The following RNF8 variants were observed in gnomAD, a reference collection of about 807,000 sequenced individuals.
RNF8 encodes ring finger protein 8, also known as E3 ubiquitin-protein ligase RNF8.
A neutral mutation model predicts 59.3 loss-of-function variants in RNF8; 8 were observed. That is an observed-to-expected ratio of 0.13 (90% CI 0.08 to 0.24). The LOEUF (loss-of-function observed/expected upper bound fraction) is 0.24, where lower values mean the gene tolerates loss of function less well. RNF8 is among the 10% of genes least tolerant of loss of function. The probability of loss-of-function intolerance (pLI) is 1.00; values close to 1 mark genes in which losing one functional copy is unlikely to be tolerated. For synonymous variants in RNF8, 162 were observed against 200.0 expected (o/e 0.81, Z 1.60); for missense variants, 406 against 572.6 (o/e 0.71, Z 2.97).
At chr6:37,361,225 A>G (rs195417) in intron 2 of RNF8, 42,579 of 454,338 alleles carry the variant, frequency 0.094, 10,783 homozygotes, top group African/African-American at 0.64. Context: ...CAACTACTGG[A>G]GAAGCTGAGG....
intron 4 of RNF8, among the ~76,000 whole-genome samples, chr6:37,371,861 A>G (rs1581681189): frequency 1.3e-5 from 2 of 152,170 alleles, no homozygotes; most frequent in African/African-American, 4.8e-5. Flanking sequence ...AAGTGGCTCC[A>G]CTTCTAGAAA....
Position 37,369,129 on chromosome 6 carries a change from C to A in RNF8, c.886C>A (p.Gln296Lys). 1 of 1,614,186 alleles carries A rather than the reference C, an allele frequency of 6.2e-7. No individual in the cohort carries two copies. Among genetic ancestry groups the A allele is most frequent in the Non-Finnish European group, 8.5e-7 (1 of 1,180,034 alleles). Residue 296 changes from glutamine to lysine, a missense_variant, in exon 3 of 8, where the codon CAG (glutamine) becomes AAG (lysine). This residue lies in a region of RNF8 where 285 missense variants were observed against 342.0 expected (regional missense o/e 0.83). Transcript: ENST00000373479. ...AATGGAGCAGGAACTTCAGGACTTA[C>A]AGTCCCAGCTGTGTGCAGAGCAGGC... ...VQMEQELQDL[Q>K]SQLCAEQAQQ...
At chr6:37,363,329 G>A (rs568776873) in intron 2 of RNF8, among the ~76,000 whole-genome samples, 50 of 152,214 alleles carry the variant, frequency 3.3e-4, no homozygotes, top group African/African-American at 8.9e-4. Context: ...GCGTTCATTC[G>A]TCAAAAAACA....
intron 1 of RNF8, among the ~76,000 whole-genome samples, chr6:37,356,790 C>T (rs1325085435): frequency 6.6e-6 from 1 of 152,144 alleles, no homozygotes; most frequent in East Asian, 1.9e-4. Context: ...CCTTCTGTCA[C>T]CCAGGCTGGA....
intron 1 of RNF8, among the ~76,000 whole-genome samples, chr6:37,355,258 T>C (rs528535649): frequency 6.6e-6 from 1 of 152,302 alleles, no homozygotes; most frequent in Non-Finnish European, 1.5e-5. Flanking sequence ...ATTTGGGTTT[T>C]GGAAATAATC....
chr6:37,355,052 T>A (rs1769063606), intron 1 of RNF8, among the ~76,000 whole-genome samples: 1 of 152,160 alleles, frequency 6.6e-6, no homozygotes, highest in African/African-American at 2.4e-5. Context: ...CTCCAGAGGC[T>A]GCCTGTCGTC....
intron 5 of RNF8, among the ~76,000 whole-genome samples, chr6:37,376,451 G>A (rs1033452376): frequency 6.6e-6 from 1 of 152,184 alleles, no homozygotes; most frequent in Non-Finnish European, 1.5e-5. Context: ...CCAAGATCAA[G>A]ATGCTGGCAT....
rs1315876273 is a variant in RNF8 at position 37,393,017 on chromosome 6, A to G, written c.*2259A>G. The G allele has an allele frequency of 1.2e-5, 2 of 173,346 alleles. No individual in the cohort carries two copies. Among genetic ancestry groups the G allele is most frequent in the Non-Finnish European group, 2.4e-5 (2 of 82,754 alleles). 10.7% of individuals were successfully genotyped at this position (173,346 alleles called of 1,614,324 possible). A position where few individuals can be genotyped will look rare whatever the true frequency, so the allele number is the denominator to read the frequency against. On this transcript the variant is annotated 3_prime_UTR_variant, in exon 8 of 8. Transcript: ENST00000373479. The stretch of plus-strand genomic sequence containing the variant: ...CAGAGACTGACCTCACAGACTGACC[A>G]TTCCATCCCACAGCTGCTGGACATA...
chr6:37,368,164 T>C (rs1769643163), intron 2 of RNF8, among the ~76,000 whole-genome samples: 1 of 152,216 alleles, frequency 6.6e-6, no homozygotes, highest in Non-Finnish European at 1.5e-5. Flanking sequence ...CCAGTTTAGG[T>C]TAATAGGAGC....
rs564460304 is a variant in RNF8 at position 37,370,925 on chromosome 6, A to C, written c.976-587A>C. 3.9e-4 allele frequency among the ~76,000 whole-genome samples: 60 copies of C among 152,272 alleles called. 1 individual carries two copies. Among genetic ancestry groups the C allele is most frequent in the Middle Eastern group, 3.4e-3 (1 of 294 alleles). On this transcript the variant is annotated intron_variant, in intron 3 of 7. Coordinates refer to ENST00000373479, the MANE Select transcript of RNF8 (RefSeq NM_003958.4). The stretch of plus-strand genomic sequence containing the variant: ...ATGGGTAGGTAATTCTTAAGGACAG[A>C]AGGGCCCAGAAGTTCTTTTGGAAGG...
At chr6:37,371,625 A>G in intron 4 of RNF8, 51 bp downstream of exon 4, 1 of 1,477,944 alleles carries the variant, frequency 6.8e-7, no homozygotes, top group Non-Finnish European at 9.5e-7. Context: ...GTGGGGAGCA[A>G]ACAGGCATCA....
chr6:37,387,335 T>C (rs1412669952), intron 7 of RNF8, among the ~76,000 whole-genome samples: 1 of 152,138 alleles, frequency 6.6e-6, no homozygotes, highest in Admixed American at 6.5e-5. Context: ...CAAAGAAATA[T>C]CTCTTACTTG....
At chr6:37,390,362 C>T (rs1025245660) in intron 7 of RNF8, among the ~76,000 whole-genome samples, 7 of 152,114 alleles carry the variant, frequency 4.6e-5, no homozygotes, top group African/African-American at 1.7e-4. Context: ...TTGAGGGAAG[C>T]TCTGAAGGAG....
chr6:37,385,797 G>A (rs559762035), intron 7 of RNF8, among the ~76,000 whole-genome samples: 4 of 149,404 alleles, frequency 2.7e-5, no homozygotes, highest in African/African-American at 7.4e-5. Context: ...TTGTGTCCTA[G>A]TATCCTTCCT....
Position 37,360,325 on chromosome 6 carries a change from C to T in RNF8, c.112-121C>T. On this transcript the variant is annotated intron_variant, in intron 1 of 7. Transcript: ENST00000373479. The surrounding 1 kb of genome is among the most constrained non-coding windows in gnomAD (Gnocchi z 4.2). ...GATAGCTGATGCACTGTTTTGGTTCCACAGGTGTCTGGTTTCTTAAGTCAG... is the reference window on the plus strand; with the variant it reads ...GATAGCTGATGCACTGTTTTGGTTCTACAGGTGTCTGGTTTCTTAAGTCAG... 1 of 1,188,600 alleles carries T rather than the reference C, an allele frequency of 8.4e-7. No individual in the cohort carries two copies. The highest frequency in any genetic ancestry group is 1.2e-6 in the Non-Finnish European group (1 of 816,138). The allele number at this position is 1,188,600 out of a possible 1,614,324, so 73.6% of individuals were successfully genotyped here.
At chr6:37,359,163 T>C in intron 1 of RNF8, 1 of 445,884 alleles carries the variant, frequency 2.2e-6, no homozygotes, top group Non-Finnish European at 4.5e-6. Context: ...TCAGAAGAAT[T>C]TCATTTCCTT....
intron 7 of RNF8, among the ~76,000 whole-genome samples, chr6:37,389,164 T>A (rs1770629549): frequency 6.6e-6 from 1 of 152,162 alleles, no homozygotes; most frequent in Non-Finnish European, 1.5e-5. Context: ...GTTTGGCACA[T>A]GGTAGCTCTT....
At chr6:37,356,639 A>G (rs187855307) in intron 1 of RNF8, among the ~76,000 whole-genome samples, 57 of 152,350 alleles carry the variant, frequency 3.7e-4, no homozygotes, top group Non-Finnish European at 7.1e-4. Flanking sequence ...GGGGAAAACA[A>G]CAGAACCTTC....
At chr6:37,381,071 G>T in intron 6 of RNF8, 79 bp from the exon 7 acceptor site, 1 of 1,242,876 alleles carries the variant, frequency 8.0e-7, no homozygotes, top group Non-Finnish European at 1.2e-6. Flanking sequence ...ATTCACTCCT[G>T]TCCTAACTTT....
Sources: allele counts gnomAD v4.1 joint callset (sites outside exome capture counted in the v4.1 genomes callset), GRCh38; gene constraint gnomAD v4.1.1; regional missense constraint gnomAD v4.1.1; non-coding constraint Gnocchi (gnomAD v3.1); transcripts MANE v1.5; gene names NCBI Gene and HGNC (gene_info 2026-07-23, HGNC 2026-07-21).